Variants in SPTLC3 observed in about 807,000 individuals in gnomAD.
SPTLC3 encodes the protein serine palmitoyltransferase 3.
In SPTLC3, 36 loss-of-function variants were observed where a neutral mutation model predicts 59.3. The observed-to-expected ratio is 0.61, with a 90% confidence interval of 0.47 to 0.80. SPTLC3 has a LOEUF of 0.80. Ranked by LOEUF, SPTLC3 falls within the 30% of genes least tolerant of loss-of-function variation. The pLI is 0.00. For synonymous variants in SPTLC3, 257 were observed against 240.8 expected, an observed-to-expected ratio of 1.07 and a Z score of -0.62; for missense variants, 625 against 685.1, an observed-to-expected ratio of 0.91 and a Z score of 0.98.
Position 13,117,486 on chromosome 20 carries a change from CA to C in SPTLC3, c.933-19del, listed in dbSNP as rs1309552418. ...CAGGAGGGTATTTGTTAGTTATGAGCATTTCTCCTTCTGCCCTAGCATGGAA... is the reference window on the plus strand; with the variant it reads ...CAGGAGGGTATTTGTTAGTTATGAGCTTTCTCCTTCTGCCCTAGCATGGAA... On this transcript the variant is annotated intron_variant, in intron 7 of 11. Coordinates refer to ENST00000399002, the MANE Select transcript of SPTLC3 (RefSeq NM_018327.4). 1 of 1,555,672 alleles carries C rather than the reference CA, an allele frequency of 6.4e-7. No homozygotes were observed. The highest frequency in any genetic ancestry group is 1.4e-5 in the African/African-American group (1 of 72,880).
At chr20:13,136,742 T>TAA (rs1255705420) in intron 9 of SPTLC3, among the ~76,000 whole-genome samples, 1 of 147,906 alleles carries the variant, frequency 6.8e-6, no homozygotes. Context: ...GTTATATATA[T>TAA]AATATATAGG....
intron 1 of SPTLC3, among the ~76,000 whole-genome samples, chr20:13,019,975 T>C (rs753738609): frequency 7.9e-5 from 12 of 152,178 alleles, no homozygotes; most frequent in Non-Finnish European, 1.5e-4. Flanking sequence ...ATTTTTTACA[T>C]AGAGAATGTG....
intron 2 of SPTLC3, among the ~76,000 whole-genome samples, chr20:13,061,090 T>C (rs1307106535): frequency 1.3e-5 from 2 of 152,238 alleles, no homozygotes; most frequent in Admixed American, 1.3e-4. Flanking sequence ...ATAAACATCC[T>C]TTTTTCTCCA....
chr20:13,034,557 T>C (rs1986647477), intron 1 of SPTLC3, among the ~76,000 whole-genome samples: 1 of 152,132 alleles, frequency 6.6e-6, no homozygotes, highest in Admixed American at 6.6e-5. Context: ...TTTTCTCCTC[T>C]AACTGGAAAA....
chr20:13,137,736 C>T (rs780537921), intron 9 of SPTLC3, among the ~76,000 whole-genome samples: 17 of 152,188 alleles, frequency 1.1e-4, no homozygotes, highest in Non-Finnish European at 1.9e-4. Context: ...CTTATCCTCA[C>T]AAACGAAGGG....
rs190755214 is a variant in SPTLC3, at chr20:13,051,685, G to A, written c.303+2555G>A. Among the ~76,000 whole-genome samples, 63 of 152,216 alleles carry A rather than the reference G, an allele frequency of 4.1e-4. 2 individuals are homozygous for A. Among genetic ancestry groups the A allele is most frequent in the South Asian group, 3.3e-3 (16 of 4,824 alleles). On this transcript the variant is annotated intron_variant, in intron 2 of 11. Transcript: ENST00000399002. ...TTTCTCCAAGATAGACCATATGACAGGCCATAAAATGAGACTCAATAAATT... is the reference window on the plus strand; with the variant it reads ...TTTCTCCAAGATAGACCATATGACAAGCCATAAAATGAGACTCAATAAATT...
chr20:13,018,950 A>G (rs1185901423), intron 1 of SPTLC3, among the ~76,000 whole-genome samples: 1 of 152,138 alleles, frequency 6.6e-6, no homozygotes, highest in African/African-American at 2.4e-5. Context: ...ATTTTGGGGG[A>G]AAAACACTAC....
At chr20:13,075,115 G>A (rs528940413) in intron 4 of SPTLC3, among the ~76,000 whole-genome samples, 28 of 148,586 alleles carry the variant, frequency 1.9e-4, no homozygotes. Flanking sequence ...GATAGAGAGA[G>A]GGAGAGCGTT....
At chr20:13,048,406 G>A (rs190626488) in intron 1 of SPTLC3, among the ~76,000 whole-genome samples, 31 of 152,222 alleles carry the variant, frequency 2.0e-4, no homozygotes, top group Admixed American at 1.6e-3. Flanking sequence ...CCTATAGAAA[G>A]TTCTACATTC....
intron 8 of SPTLC3, among the ~76,000 whole-genome samples, chr20:13,123,464 A>T (rs966558715): frequency 6.6e-6 from 1 of 152,066 alleles, no homozygotes; most frequent in African/African-American, 2.4e-5. Context: ...CTATGATCTA[A>T]TTTTTCAGAG....
intron 5 of SPTLC3, among the ~76,000 whole-genome samples, chr20:13,092,349 A>G (rs1273317736): frequency 6.6e-6 from 1 of 152,250 alleles, no homozygotes; most frequent in Non-Finnish European, 1.5e-5. Context: ...CATTGCAAGT[A>G]AGCAAGTACA....
In SPTLC3 at chr20:13,117,559, A is replaced by G. The variant is rs1568610489; in HGVS notation, c.986A>G (p.Tyr329Cys). 1 of 1,612,536 alleles carries G rather than the reference A, an allele frequency of 6.2e-7. No homozygotes were observed. The highest frequency in any genetic ancestry group is 8.5e-7 in the Non-Finnish European group (1 of 1,179,458). The part of the protein sequence containing the change: ...LPQIIALKKK[Y>C]KAYLYIDEAH... Reference sequence around the variant, plus strand: ...CAGATCATAGCTCTAAAGAAGAAATACAAGGCTTACCTCTACATAGATGAA... The same window carrying G: ...CAGATCATAGCTCTAAAGAAGAAATGCAAGGCTTACCTCTACATAGATGAA... The change falls in exon 8 of 12, where the codon TAC becomes TGC. Residue 329 changes from tyrosine (Y) to cysteine (C), a missense_variant. By Grantham distance (194) the Tyr-to-Cys change is radical (BLOSUM62 -2). Transcript: ENST00000399002.
chr20:13,156,063 A>AACAC (rs374657343), intron 10 of SPTLC3, among the ~76,000 whole-genome samples: 1 of 151,148 alleles, frequency 6.6e-6, no homozygotes, highest in Non-Finnish European at 1.5e-5. Context: ...GACACATACA[A>AACAC]ACACACACAC....
intron 4 of SPTLC3, among the ~76,000 whole-genome samples, chr20:13,087,606 T>C (rs1231194224): frequency 6.6e-6 from 1 of 152,208 alleles, no homozygotes; most frequent in Non-Finnish European, 1.5e-5. Context: ...TACAAGTACC[T>C]ACTATGTGTC....
intron 2 of SPTLC3, chr20:13,050,479 G>C (rs1043694045): frequency 1.3e-5 from 2 of 152,174 alleles, no homozygotes; most frequent in African/African-American, 4.8e-5. Context: ...TCCTGAGGAA[G>C]AAGAGAATTC....
chr20:13,108,519 T>C (rs1990036243), intron 6 of SPTLC3, among the ~76,000 whole-genome samples: 1 of 152,222 alleles, frequency 6.6e-6, no homozygotes, highest in Non-Finnish European at 1.5e-5. Flanking sequence ...CATACGCTTC[T>C]TGAGAGCTTT....
intron 1 of SPTLC3, among the ~76,000 whole-genome samples, chr20:13,031,981 T>G (rs1288295732): frequency 6.6e-6 from 1 of 152,188 alleles, no homozygotes; most frequent in Non-Finnish European, 1.5e-5. Context: ...TCTAATTCCA[T>G]TGCAGTGATC....
rs575963628 is a variant in SPTLC3, at chr20:13,166,141, T to C, written c.*1274T>C. 6.5e-6 allele frequency: 1 copy of C among 152,768 alleles called. No individual in the cohort carries two copies. Among genetic ancestry groups the C allele is most frequent in the African/African-American group, 2.4e-5 (1 of 41,566 alleles). The allele number at this position is 152,768 out of a possible 1,614,324, so 9.5% of individuals were successfully genotyped here. On this transcript the variant is annotated 3_prime_UTR_variant, in exon 12 of 12. Coordinates refer to ENST00000399002, the MANE Select transcript of SPTLC3 (RefSeq NM_018327.4). ...AGTGGTGACCTTTTAGCAAAGCTTC[T>C]GTAACAGTTCGAATGAGTTGCAGAA...
intron 7 of SPTLC3, among the ~76,000 whole-genome samples, chr20:13,116,632 G>A (rs181540616): frequency 2.0e-5 from 3 of 152,052 alleles, no homozygotes; most frequent in Admixed American, 6.5e-5. Context: ...AGGTTCTATC[G>A]TGTATCTGTC....
Sources: allele counts gnomAD v4.1 joint callset (sites outside exome capture counted in the v4.1 genomes callset), GRCh38; gene constraint gnomAD v4.1.1; transcripts MANE v1.5; gene names NCBI Gene and HGNC (gene_info 2026-07-23, HGNC 2026-07-21).